DNAJB1: variants seen among roughly 807,000 people sequenced by gnomAD.
The protein encoded by DNAJB1 is DnaJ heat shock protein family (Hsp40) member B1.
DNAJB1 carries 14 observed loss-of-function variants against 24.0 expected under a neutral mutation model. The ratio of observed to expected loss-of-function variants is 0.58; its 90% CI spans 0.39 to 0.91. The LOEUF is 0.91. Ranked by LOEUF, DNAJB1 falls within the 40% of genes least tolerant of loss-of-function variation. The pLI is 0.00. For synonymous variants in DNAJB1, 262 were observed against 174.4 expected (o/e 1.50, Z -3.96); for missense variants, 517 against 458.1 (o/e 1.13, Z -1.17).
upstream of DNAJB1, among the ~76,000 whole-genome samples, chr19:14,554,933 C>T (rs542700433): frequency 6.6e-6 from 1 of 152,000 alleles, no homozygotes; most frequent in Non-Finnish European, 1.5e-5. Context: ...CGTGTGCCAC[C>T]ATGCCCAGCT....
At chr19:14,522,616 GC>G (rs1391227544), upstream of DNAJB1, among the ~76,000 whole-genome samples, 1 of 150,600 alleles carries the variant, frequency 6.6e-6, no homozygotes, top group Non-Finnish European at 1.5e-5. Flanking sequence ...TGTCTAGCCA[GC>G]CCCCACAAGC....
intron 1 of DNAJB1, among the ~76,000 whole-genome samples, chr19:14,557,099 T>C (rs891204301): frequency 1.4e-5 from 2 of 142,696 alleles, no homozygotes; most frequent in Non-Finnish European, 3.1e-5. Context: ...GCTGTTCTGC[T>C]AGTGTTGGTC....
At chr19:14,552,276 C>G (rs553112719), upstream of DNAJB1, among the ~76,000 whole-genome samples, 2 of 150,312 alleles carry the variant, frequency 1.3e-5, no homozygotes, top group Admixed American at 1.3e-4. Context: ...TCAAGCAATC[C>G]TCCCAGTCTG....
upstream of DNAJB1, chr19:14,529,681 G>A (rs372535209): frequency 2.5e-6 from 4 of 1,613,854 alleles, no homozygotes; most frequent in Non-Finnish European, 2.5e-6. Context: ...AGCAGTAGCC[G>A]CCGTGGGAGG....
upstream of DNAJB1, chr19:14,529,530 C>A: frequency 1.1e-6 from 1 of 944,240 alleles, no homozygotes; most frequent in East Asian, 2.5e-5. Context: ...ACGTGGGCGC[C>A]TCGTGCCCTG....
intron 1 of DNAJB1, among the ~76,000 whole-genome samples, chr19:14,547,172 A>G (rs1357551710): frequency 3.3e-5 from 5 of 152,172 alleles, no homozygotes; most frequent in Admixed American, 2.0e-4. Flanking sequence ...TAAAGGGATA[A>G]TGGTAGGTTT....
chr19:14,515,594 C>T lies in DNAJB1; in HGVS notation c.*346G>A. 1 of 275,748 alleles carries T rather than the reference C, an allele frequency of 3.6e-6. No individual in the cohort carries two copies. Among genetic ancestry groups the T allele is most frequent in the Non-Finnish European group, 6.9e-6 (1 of 144,806 alleles). The allele number at this position is 275,748 out of a possible 1,614,324, so 17.1% of individuals were successfully genotyped here. ...GTTGACATTATCTACCAGCCAGAAG[C>T]AAAAAGACACAGAGGGATCAAGTCC... On this transcript the variant is annotated 3_prime_UTR_variant, in exon 3 of 3. Coordinates refer to ENST00000254322, the MANE Select transcript of DNAJB1 (RefSeq NM_006145.3).
chr19:14,517,098 C>T (rs562002917), intron 1 of DNAJB1, 52 bp from the exon 2 acceptor site: 2 of 1,540,460 alleles, frequency 1.3e-6, no homozygotes, highest in South Asian at 1.2e-5. Flanking sequence ...GACTCTCTCT[C>T]GAGCTTCCCT....
At position 14,535,576 on chromosome 19, in the gene DNAJB1, ATATATATATATATG is replaced by A. The variant is rs1222038744; in HGVS notation, c.-213-7780_-213-7767del. Among the ~76,000 whole-genome samples the A allele has an allele frequency of 5.0e-4, 20 of 39,902 alleles. No homozygotes were observed. The South Asian group carries it at 8.0e-3, about 16-fold the overall frequency. 26.2% of individuals were successfully genotyped at this position (39,902 alleles called of 152,430 possible). A position where few individuals can be genotyped will look rare whatever the true frequency, so the allele number is the denominator to read the frequency against. ...TATATATATATATATATATATATAT[ATATATATATATATG>A]TATGTATATATAAATTAGCCAGGCA... On this transcript the variant is annotated intron_variant, in intron 1 of 3. Transcript: ENST00000676982.
upstream of DNAJB1, among the ~76,000 whole-genome samples, chr19:14,550,454 C>T (rs549220218): frequency 8.5e-5 from 13 of 152,220 alleles, no homozygotes; most frequent in African/African-American, 3.1e-4. Flanking sequence ...CAGTTTGTAT[C>T]TGCAGGGCTC....
chr19:14,551,972 TTTCTCTC>T (rs1263468355), upstream of DNAJB1, among the ~76,000 whole-genome samples: 2 of 124,906 alleles, frequency 1.6e-5, no homozygotes, highest in African/African-American at 3.0e-5. Context: ...TCTCTCTCTC[TTTCTCTC>T]TTTTTTTTTT....
intron 1 of DNAJB1, 118 bp from the exon 2 acceptor site, chr19:14,517,164 G>C: frequency 9.4e-7 from 1 of 1,065,534 alleles, no homozygotes; most frequent in Middle Eastern, 2.1e-4. Context: ...TCTGTCAGGG[G>C]AGAGCAAGGA....
At chr19:14,552,429 A>G (rs376229228), upstream of DNAJB1, among the ~76,000 whole-genome samples, 10 of 151,704 alleles carry the variant, frequency 6.6e-5, no homozygotes, top group East Asian at 7.8e-4. Flanking sequence ...CTGGGTGGAC[A>G]CTCACATGGG....
In DNAJB1 at chr19:14,518,350, GA is replaced by G. The variant is rs568827557; in HGVS notation, c.-2del. 9.0e-6 allele frequency: 14 copies of G among 1,560,340 alleles called. No individual in the cohort carries two copies. In the South Asian group the frequency reaches 1.4e-4, roughly 16 times the overall value. On this transcript the variant is annotated 5_prime_UTR_variant, in exon 1 of 3. Transcript: ENST00000254322. ...ACGTCTGGTAGTAGTCTTTACCCAT[GA>G]CCCCCTCCTGCGGCCCGCCGACCCG...
chr19:14,532,379 C>T (rs2072703987), upstream of DNAJB1: 1 of 151,944 alleles, frequency 6.6e-6, no homozygotes, highest in Admixed American at 6.6e-5. Context: ...AACCTTGTCT[C>T]TACTAAAAAT....
upstream of DNAJB1, chr19:14,532,180 A>G (rs929131772): frequency 2.0e-5 from 3 of 152,186 alleles, no homozygotes; most frequent in African/African-American, 7.2e-5. Flanking sequence ...GAAGCTGGGC[A>G]CAGCCTGAGG....
chr19:14,524,005 C>T (rs1368549025), intron 2 of DNAJB1, among the ~76,000 whole-genome samples: 2 of 152,052 alleles, frequency 1.3e-5, no homozygotes, highest in African/African-American at 4.8e-5. Context: ...TCACAACAGC[C>T]CTATGAGGTT....
intron 1 of DNAJB1, 68 bp downstream of exon 1, chr19:14,518,071 G>T: frequency 7.4e-7 from 1 of 1,353,080 alleles, no homozygotes; most frequent in Non-Finnish European, 9.5e-7. Flanking sequence ...CCGCCGAGAG[G>T]GGCCAGCGTG....
chr19:14,546,361 C>T (rs1298061027), intron 1 of DNAJB1, among the ~76,000 whole-genome samples: 1 of 151,754 alleles, frequency 6.6e-6, no homozygotes, highest in African/African-American at 2.4e-5. Flanking sequence ...CTGAGGTGGG[C>T]GGATCACTTG....
Sources: allele counts gnomAD v4.1 joint callset (sites outside exome capture counted in the v4.1 genomes callset), GRCh38; gene constraint gnomAD v4.1.1; transcripts MANE v1.5; gene names NCBI Gene and HGNC (gene_info 2026-07-23, HGNC 2026-07-21).